Variants in RAPGEF2 observed in about 807,000 individuals in gnomAD.
RAPGEF2 encodes the protein Rap guanine nucleotide exchange factor 2, also known as PDZ domain containing guanine nucleotide exchange factor (GEF) 1.
RAPGEF2 carries 54 observed loss-of-function variants against 186.7 expected under a neutral mutation model. The ratio of observed to expected loss-of-function variants is 0.29; its 90% CI spans 0.23 to 0.36. RAPGEF2 has a LOEUF of 0.36. RAPGEF2 is among the 10% of genes least tolerant of loss of function. RAPGEF2 has a pLI of 1.00. For missense variants in RAPGEF2, 1,532 were observed against 2,045.0 expected, an observed-to-expected ratio of 0.75 and a Z score of 4.84; for synonymous variants, 712 against 705.9, an observed-to-expected ratio of 1.01 and a Z score of -0.14.
intron 1 of RAPGEF2, among the ~76,000 whole-genome samples, chr4:159,158,733 A>G (rs1005589843): frequency 1.3e-5 from 2 of 152,168 alleles, no homozygotes; most frequent in African/African-American, 2.4e-5. Flanking sequence ...AATTTATGCA[A>G]TTTGCTCAAT....
At chr4:159,325,080 T>G (rs1031401576) in intron 11 of RAPGEF2, among the ~76,000 whole-genome samples, 1 of 152,160 alleles carries the variant, frequency 6.6e-6, no homozygotes, top group Non-Finnish European at 1.5e-5. Flanking sequence ...TTAAGCATTT[T>G]ACTTACTAAA....
At chr4:159,185,920 C>A (rs1462965344) in intron 1 of RAPGEF2, among the ~76,000 whole-genome samples, 1 of 151,972 alleles carries the variant, frequency 6.6e-6, no homozygotes, top group Non-Finnish European at 1.5e-5. Context: ...GAGTAAATAT[C>A]CCTCATATTC....
chr4:159,142,815 A>G (rs1390219727), intron 1 of RAPGEF2, among the ~76,000 whole-genome samples: 1 of 152,108 alleles, frequency 6.6e-6, no homozygotes, highest in Non-Finnish European at 1.5e-5. Context: ...CACCTGTATT[A>G]TGTGTTGGAC....
At chr4:159,147,012 G>A (rs1433588747) in intron 1 of RAPGEF2, among the ~76,000 whole-genome samples, 2 of 152,218 alleles carry the variant, frequency 1.3e-5, no homozygotes, top group African/African-American at 4.8e-5. Flanking sequence ...TGCCCTGGCT[G>A]GTTTTGAGCT....
chr4:159,239,754 C>T (rs1361792779), intron 5 of RAPGEF2, among the ~76,000 whole-genome samples: 1 of 152,138 alleles, frequency 6.6e-6, no homozygotes, highest in Non-Finnish European at 1.5e-5. Context: ...GATATTCTTA[C>T]TGTCTCCATC....
At chr4:159,105,995 A>T (rs1211284487) in intron 1 of RAPGEF2, among the ~76,000 whole-genome samples, 3 of 152,200 alleles carry the variant, frequency 2.0e-5, no homozygotes, top group African/African-American at 4.8e-5. Flanking sequence ...ACCAAACAAG[A>T]CTAGAAGAGA....
intron 3 of RAPGEF2, among the ~76,000 whole-genome samples, chr4:159,205,603 T>G (rs1361559839): frequency 6.6e-6 from 1 of 152,168 alleles, no homozygotes; most frequent in African/African-American, 2.4e-5. Flanking sequence ...TGGGGGCAGA[T>G]TTCCCCTATG....
chr4:159,270,656 T>C (rs1156939458), intron 7 of RAPGEF2, among the ~76,000 whole-genome samples: 4 of 152,218 alleles, frequency 2.6e-5, no homozygotes, highest in Non-Finnish European at 5.9e-5. Context: ...GTCTGTCTCA[T>C]TCAGTGCATA....
In RAPGEF2 at chr4:159,341,644, T is replaced by C; in HGVS notation, c.2615T>C (p.Ile872Thr). ...DAQELLRESQ[I>T]SLLQLSTVEV... is the part of the protein sequence containing the mutation. ...CAGGAGTTGTTGAGAGAGAGTCAAA[T>C]TTCCCTCCTTCAGCTCAGCACTGTG... The change falls in exon 20 of 30, where the codon ATT becomes ACT. Residue 872 changes from isoleucine (I) to threonine (T), a missense_variant. This residue lies in a region of RAPGEF2 where 810 missense variants were observed against 1,210.5 expected (regional missense o/e 0.67). Transcript: ENST00000691494. 6.2e-7 allele frequency: 1 copy of C among 1,613,938 alleles called. No individual in the cohort carries two copies. The highest frequency in any genetic ancestry group is 8.5e-7 in the Non-Finnish European group (1 of 1,179,908).
intron 3 of RAPGEF2, among the ~76,000 whole-genome samples, chr4:159,195,147 G>A (rs1216490771): frequency 6.6e-6 from 1 of 152,156 alleles, no homozygotes; most frequent in Admixed American, 6.5e-5. Context: ...CAAATATAGA[G>A]TCGTAAATAA....
chr4:159,172,176 C>G (rs891105973), intron 1 of RAPGEF2, among the ~76,000 whole-genome samples: 1 of 152,128 alleles, frequency 6.6e-6, no homozygotes, highest in East Asian at 1.9e-4. Context: ...ACATTTGGAA[C>G]CTTTTCACTA....
At chr4:159,234,403 G>A (rs1752988706) in intron 4 of RAPGEF2, among the ~76,000 whole-genome samples, 1 of 152,148 alleles carries the variant, frequency 6.6e-6, no homozygotes, top group Non-Finnish European at 1.5e-5. Context: ...TATTTTTTGA[G>A]ACGGAATCTT....
intron 7 of RAPGEF2, among the ~76,000 whole-genome samples, chr4:159,249,888 A>G (rs1268941574): frequency 6.6e-6 from 1 of 152,188 alleles, no homozygotes; most frequent in East Asian, 1.9e-4. Context: ...GATACAGCTC[A>G]GTAGGGTTAA....
At chr4:159,294,892 C>T (rs1022786892) in intron 7 of RAPGEF2, among the ~76,000 whole-genome samples, 5 of 152,112 alleles carry the variant, frequency 3.3e-5, no homozygotes, top group African/African-American at 1.2e-4. Flanking sequence ...AGGGTTTCAC[C>T]GTGTTCGTCA....
Position 159,211,767 on chromosome 4 carries a change from G to A in RAPGEF2, c.281+1184G>A, listed in dbSNP as rs149355412. ...TTGGGTGCGATTCTCATGCCTCTTT[G>A]CCCTTCTACTTCTTTGAGGTCAAAT... On this transcript the variant is annotated intron_variant, in intron 4 of 29. Transcript: ENST00000691494. Among the ~76,000 whole-genome samples the A allele has an allele frequency of 4.0e-3, 610 of 152,246 alleles. 1 individual carries two copies. Among genetic ancestry groups the A allele is most frequent in the African/African-American group, 0.012 (502 of 41,558 alleles).
In RAPGEF2 at chr4:159,162,236, A is replaced by T. The variant is rs575662233; in HGVS notation, c.70-24406A>T. Among the ~76,000 whole-genome samples the T allele has an allele frequency of 2.7e-4, 41 of 150,898 alleles. No homozygotes were observed. The East Asian group carries it at 5.4e-3, about 20-fold the overall frequency. ...TGTGTTTCTTCAAAAAAAAAAAAAA[A>T]AAAAATAGCTGGATGTGGTAGCGTG... On this transcript the variant is annotated intron_variant, in intron 1 of 29. Coordinates refer to ENST00000691494, the MANE Select transcript of RAPGEF2 (RefSeq NM_001394067.2).
chr4:159,225,699 C>G (rs754036272), intron 4 of RAPGEF2, among the ~76,000 whole-genome samples: 1 of 152,090 alleles, frequency 6.6e-6, no homozygotes, highest in Non-Finnish European at 1.5e-5. Flanking sequence ...TGGCAGTATT[C>G]TTACTGTGGT....
intron 19 of RAPGEF2, 66 bp downstream of exon 19, chr4:159,339,420 A>T (rs534018383): frequency 2.0e-6 from 3 of 1,524,808 alleles, no homozygotes; most frequent in South Asian, 1.2e-5. Flanking sequence ...AGTCTAAGAG[A>T]TGAGCAATTT....
chr4:159,339,187 T>C lies in RAPGEF2; in HGVS notation c.2367T>C (p.Thr789=). The C allele has an allele frequency of 6.2e-7, 1 of 1,614,200 alleles. No individual in the cohort carries two copies. Among genetic ancestry groups the C allele is most frequent in the Non-Finnish European group, 8.5e-7 (1 of 1,180,016 alleles). ...GCTACATCATGATCAGTAAGGACACTACAGCAAAGGAAGTGGTCATTCAGG... is the reference window on the plus strand; with the variant it reads ...GCTACATCATGATCAGTAAGGACACCACAGCAAAGGAAGTGGTCATTCAGG... ...QSRYIMISKD[T]TAKEVVIQAI... Residue 789 remains threonine, a synonymous_variant, in exon 19 of 30, where the codon ACT becomes ACC. Coordinates refer to ENST00000691494, the MANE Select transcript of RAPGEF2 (RefSeq NM_001394067.2).
Sources: gnomAD v4.1 joint callset for allele counts (sites outside exome capture counted in the v4.1 genomes callset) on GRCh38, gnomAD v4.1.1 for gene constraint, gnomAD v4.1.1 regional missense constraint, MANE v1.5 for transcripts, NCBI Gene and HGNC (gene_info 2026-07-23, HGNC 2026-07-21) for gene names.